FAT3: variants seen among roughly 807,000 people sequenced by gnomAD.
FAT3 encodes FAT atypical cadherin 3.
In FAT3, 95 loss-of-function variants were observed where a neutral mutation model predicts 310.2. The observed-to-expected ratio is 0.31, with a 90% CI of 0.26 to 0.36. The LOEUF is 0.36. Among genes scored for constraint, FAT3 ranks in the 10% least tolerant of loss-of-function variants. FAT3 has a pLI of 1.00. For synonymous variants in FAT3, 2,314 were observed against 2,192.9 expected (o/e 1.06, Z -1.54); for missense variants, 5,408 against 5,715.6 (o/e 0.95, Z 1.74).
chr11:92,825,670 T>C (rs1328186934), intron 13 of FAT3, among the ~76,000 whole-genome samples: 3 of 152,062 alleles, frequency 2.0e-5, no homozygotes, highest in Non-Finnish European at 4.4e-5. Flanking sequence ...AGGACTAGAA[T>C]GCCATTCTCA....
intron 2 of FAT3, among the ~76,000 whole-genome samples, chr11:92,372,426 A>G (rs879862363): frequency 6.6e-6 from 1 of 151,788 alleles, no homozygotes; most frequent in Non-Finnish European, 1.5e-5. Flanking sequence ...CTTTGGAAAG[A>G]TTTTTTAAAT....
In FAT3 at chr11:92,802,913, G is replaced by A. The variant is rs115204485; in HGVS notation, c.8896+1004G>A. 7.4e-3 allele frequency among the ~76,000 whole-genome samples: 1,121 copies of A among 152,242 alleles called. 12 individuals are homozygous for A. The highest frequency in any genetic ancestry group is 0.026 in the African/African-American group (1,070 of 41,546). On this transcript the variant is annotated intron_variant, in intron 10 of 27. Coordinates refer to ENST00000525166, the MANE Select transcript of FAT3 (RefSeq NM_001367949.2). ...GAATAAGATCCACAGTAGAGCAAAT[G>A]TGTCAATGCTTGGGGTTGCCACACT...
intron 1 of FAT3, among the ~76,000 whole-genome samples, chr11:92,264,760 G>A (rs574781527): frequency 1.3e-5 from 2 of 152,238 alleles, no homozygotes; most frequent in South Asian, 2.1e-4. Context: ...GCTCCTTGTG[G>A]AGGTCCCAGA....
At chr11:92,345,157 G>A (rs1041818763) in intron 1 of FAT3, among the ~76,000 whole-genome samples, 1 of 151,950 alleles carries the variant, frequency 6.6e-6, no homozygotes, top group African/African-American at 2.4e-5. Flanking sequence ...TTCCTATTTG[G>A]ACTGATGTTC....
At chr11:92,590,298 T>G (rs1366496680) in intron 3 of FAT3, among the ~76,000 whole-genome samples, 1 of 152,154 alleles carries the variant, frequency 6.6e-6, no homozygotes, top group Non-Finnish European at 1.5e-5. Flanking sequence ...GAACTTGGCC[T>G]TTCAAACTTT....
chr11:92,435,520 T>TTCC, intron 2 of FAT3, among the ~76,000 whole-genome samples: 2 of 148,688 alleles, frequency 1.3e-5, no homozygotes, highest in African/African-American at 2.5e-5. Context: ...CCTTCCTTCC[T>TTCC]TTCTCTTTCT....
chr11:92,858,061 T>A (rs1345219814), intron 20 of FAT3, among the ~76,000 whole-genome samples: 2 of 152,198 alleles, frequency 1.3e-5, no homozygotes, highest in African/African-American at 4.8e-5. Context: ...ATAGGCACAT[T>A]GATAACAATT....
In FAT3 at chr11:92,478,962, C is replaced by CTT. The variant is rs370822219; in HGVS notation, c.3293-45669_3293-45668dup. ...TTTCTTTCTTTCTTTCTTTTCTTTT[C>CTT]TTTTCTTTTCTTTTCTTTTCTTTTC... On this transcript the variant is annotated intron_variant, in intron 2 of 27. Transcript: ENST00000525166. Among the ~76,000 whole-genome samples the CTT allele has an allele frequency of 8.7e-4, 55 of 63,362 alleles. 1 individual carries two copies. The highest frequency in any genetic ancestry group is 2.5e-3 in the African/African-American group (50 of 19,814). 41.6% of individuals were successfully genotyped at this position (63,362 alleles called of 152,430 possible).
At chr11:92,887,429 C>G (rs1304165018) in intron 25 of FAT3, among the ~76,000 whole-genome samples, 1 of 152,208 alleles carries the variant, frequency 6.6e-6, no homozygotes, top group African/African-American at 2.4e-5. Context: ...CTCTAGCAGA[C>G]AGAGTAATTT....
chr11:92,412,732 T>TATATATATATGTACAC, intron 2 of FAT3, among the ~76,000 whole-genome samples: 1 of 17,954 alleles, frequency 5.6e-5, no homozygotes, highest in Admixed American at 1.0e-3. Flanking sequence ...TATATATATA[T>TATATATATATGTACAC]ATATATATAT....
chr11:92,349,029 G>C (rs2134616521), intron 1 of FAT3, among the ~76,000 whole-genome samples: 1 of 152,236 alleles, frequency 6.6e-6, no homozygotes, highest in Non-Finnish European at 1.5e-5. Context: ...GTGTGAATGA[G>C]GGGGCAGACT....
At chr11:92,834,607 C>A (rs1948350624) in intron 14 of FAT3, among the ~76,000 whole-genome samples, 1 of 152,178 alleles carries the variant, frequency 6.6e-6, no homozygotes, top group African/African-American at 2.4e-5. Context: ...GATTTTCAAG[C>A]TGCCTGAGAG....
rs557236193 is a variant in FAT3 at position 92,539,042 on chromosome 11, T to C, written c.3607+14094T>C. 5.9e-5 allele frequency among the ~76,000 whole-genome samples: 9 copies of C among 152,264 alleles called. No homozygotes were observed. The South Asian group carries it at 1.9e-3, about 32-fold the overall frequency. On this transcript the variant is annotated intron_variant, in intron 3 of 27. Coordinates refer to ENST00000525166, the MANE Select transcript of FAT3 (RefSeq NM_001367949.2). ...AAATCCAATTTTACCTCCCACCACT[T>C]AAGTAAATTTCTCTTCTTTGTAAAA...
At chr11:92,399,688 C>G (rs1460155330) in intron 2 of FAT3, among the ~76,000 whole-genome samples, 1 of 152,104 alleles carries the variant, frequency 6.6e-6, no homozygotes, top group Non-Finnish European at 1.5e-5. Context: ...TCGTATTTTA[C>G]AGAGGAAATG....
intron 19 of FAT3, among the ~76,000 whole-genome samples, chr11:92,847,320 G>A (rs1235240500): frequency 6.6e-6 from 1 of 152,166 alleles, no homozygotes; most frequent in Non-Finnish European, 1.5e-5. Flanking sequence ...CAGTACAGTA[G>A]CATGCTGTAC....
chr11:92,804,028 C>T (rs1947436733), intron 10 of FAT3, among the ~76,000 whole-genome samples: 1 of 152,200 alleles, frequency 6.6e-6, no homozygotes, highest in Non-Finnish European at 1.5e-5. Flanking sequence ...TATTTGCCCT[C>T]TGCTTTTTAA....
At chr11:92,486,129 G>GTT (rs1565353395) in intron 2 of FAT3, among the ~76,000 whole-genome samples, 11 of 27,682 alleles carry the variant, frequency 4.0e-4, no homozygotes, top group Admixed American at 6.8e-4. Context: ...AGGCTGCTGG[G>GTT]GTTTTTTTTT....
rs79504771 is a variant in FAT3, at chr11:92,246,734, G to A, written c.-18+21560G>A. On this transcript the variant is annotated intron_variant, in intron 1 of 27. Coordinates refer to ENST00000525166, the MANE Select transcript of FAT3 (RefSeq NM_001367949.2). ...CAAGGCTTACCAGGCAGCACCAGGG[G>A]CTGTGTTGGGGTTAGAGCTCATATA... Among the ~76,000 whole-genome samples the A allele has an allele frequency of 3.8e-3, 573 of 152,170 alleles. 3 individuals are homozygous for A. Among genetic ancestry groups the A allele is most frequent in the African/African-American group, 0.013 (554 of 41,546 alleles).
At chr11:92,290,742 C>T (rs967999346) in intron 1 of FAT3, among the ~76,000 whole-genome samples, 6 of 150,272 alleles carry the variant, frequency 4.0e-5, no homozygotes, top group Non-Finnish European at 8.9e-5. Flanking sequence ...CCAGCCTGGG[C>T]GACAGAGTGA....
Sources: gnomAD v4.1 joint callset for allele counts (sites outside exome capture counted in the v4.1 genomes callset) on GRCh38, gnomAD v4.1.1 for gene constraint, MANE v1.5 for transcripts, NCBI Gene and HGNC (gene_info 2026-07-23, HGNC 2026-07-21) for gene names.